The following GALNT13 variants were observed in gnomAD, a reference collection of about 807,000 sequenced individuals.
GALNT13 encodes the protein polypeptide N-acetylgalactosaminyltransferase 13, also known as UDP-GalNAc:polypeptide N-acetylgalactosaminyltransferase 13.
In GALNT13, 28 loss-of-function variants were observed where a neutral mutation model predicts 64.2. The observed-to-expected ratio is 0.44, with a 90% CI of 0.32 to 0.60. GALNT13 has a LOEUF of 0.60. Ranked by LOEUF, GALNT13 falls within the 20% of genes least tolerant of loss-of-function variation. The pLI, the probability that GALNT13 is intolerant of heterozygous loss-of-function variation, is 0.05. For missense variants in GALNT13, 577 were observed against 669.8 expected (o/e 0.86, Z 1.53); for synonymous variants, 214 against 224.6 (o/e 0.95, Z 0.42).
the GALNT13 span, among the ~76,000 whole-genome samples, chr2:153,654,039 C>T: frequency 1.3e-5 from 2 of 152,030 alleles, no homozygotes; most frequent in Admixed American, 6.6e-5. Context: ...ATATTATGCA[C>T]CCTCCTGATA....
the GALNT13 span, among the ~76,000 whole-genome samples, chr2:153,517,411 C>T: frequency 1.3e-5 from 2 of 152,116 alleles, no homozygotes; most frequent in African/African-American, 2.4e-5. Flanking sequence ...TGATTGACTT[C>T]AGCGCTGGGA....
the GALNT13 span, among the ~76,000 whole-genome samples, chr2:153,270,164 G>A: frequency 6.6e-6 from 1 of 152,210 alleles, no homozygotes; most frequent in African/African-American, 2.4e-5. Context: ...CAGGTAAACT[G>A]TAGTAATCTG....
the GALNT13 span, among the ~76,000 whole-genome samples, chr2:153,263,413 A>T: frequency 0.35 from 52,810 of 152,048 alleles, 9,389 homozygotes; most frequent in Middle Eastern, 0.51. Context: ...TTAAACTACC[A>T]TTGACATTCT....
At chr2:153,093,753 T>A in the GALNT13 span, among the ~76,000 whole-genome samples, 2 of 152,196 alleles carry the variant, frequency 1.3e-5, no homozygotes, top group Admixed American at 6.5e-5. Flanking sequence ...GTAGGATTGA[T>A]GTTAGTTCTT....
chr2:153,287,063 A>G, the GALNT13 span, among the ~76,000 whole-genome samples: 22 of 152,380 alleles, frequency 1.4e-4, no homozygotes, highest in East Asian at 4.2e-3. Flanking sequence ...AAATGAGCCA[A>G]TGGTAGTTCG....
chr2:153,345,712 T>TCCGTC, the GALNT13 span, among the ~76,000 whole-genome samples: 5 of 127,040 alleles, frequency 3.9e-5, no homozygotes, highest in South Asian at 2.5e-4. Context: ...TCTCTTTCTC[T>TCCGTC]CTTTCTGTCC....
chr2:153,291,175 T>C, the GALNT13 span, among the ~76,000 whole-genome samples: 1 of 152,188 alleles, frequency 6.6e-6, no homozygotes, highest in Admixed American at 6.5e-5. Flanking sequence ...GATATTTTGA[T>C]AGAAATAGTA....
chr2:154,164,953 T>C (rs1204710855), intron 4 of GALNT13, among the ~76,000 whole-genome samples: 1 of 152,110 alleles, frequency 6.6e-6, no homozygotes, highest in Non-Finnish European at 1.5e-5. Flanking sequence ...GCAAAGTATC[T>C]GAAAAACAGT....
At chr2:154,223,448 C>CTTTT (rs61230257) in intron 4 of GALNT13, among the ~76,000 whole-genome samples, 10 of 124,312 alleles carry the variant, frequency 8.0e-5, no homozygotes, top group East Asian at 2.3e-4. Flanking sequence ...TTTTCTTTTT[C>CTTTT]TTTTTTTTTT....
chr2:154,353,610 T>C (rs1040038888), intron 9 of GALNT13, among the ~76,000 whole-genome samples: 3 of 152,320 alleles, frequency 2.0e-5, no homozygotes, highest in African/African-American at 7.2e-5. Flanking sequence ...CCTAGATTTT[T>C]TCTGCAAGTT....
rs537319707 is a variant in GALNT13 at position 154,113,564 on chromosome 2, C to T, written c.143-26773C>T. Among the ~76,000 whole-genome samples the T allele has an allele frequency of 3.3e-5, 5 of 152,298 alleles. No individual in the cohort carries two copies. In the South Asian group the frequency reaches 1.0e-3, roughly 32 times the overall value. On this transcript the variant is annotated intron_variant, in intron 3 of 12. Transcript: ENST00000392825. Reference sequence around the variant, plus strand: ...TCTCAACAGGCCCCACACCACTGGACCCCTAGAAATTACTGAGGTAGAAGG... The same window carrying T: ...TCTCAACAGGCCCCACACCACTGGATCCCTAGAAATTACTGAGGTAGAAGG...
chr2:153,875,423 C>A (rs1553449336), intron 1 of GALNT13, among the ~76,000 whole-genome samples: 1 of 152,016 alleles, frequency 6.6e-6, no homozygotes, highest in East Asian at 1.9e-4. Flanking sequence ...GTTTGAGAGA[C>A]CTTCTATTTG....
At chr2:153,506,909 T>C in the GALNT13 span, among the ~76,000 whole-genome samples, 1 of 152,238 alleles carries the variant, frequency 6.6e-6, no homozygotes, top group Non-Finnish European at 1.5e-5. Context: ...AGGGAAGTTT[T>C]CCTCTATTAT....
At chr2:153,840,006 G>C in the GALNT13 span, among the ~76,000 whole-genome samples, 1 of 152,016 alleles carries the variant, frequency 6.6e-6, no homozygotes, top group South Asian at 2.1e-4. Flanking sequence ...GATAGGAGAT[G>C]GGGGAAGTTC....
the GALNT13 span, among the ~76,000 whole-genome samples, chr2:153,654,224 G>T: frequency 6.6e-6 from 1 of 151,792 alleles, no homozygotes; most frequent in Non-Finnish European, 1.5e-5. Context: ...ACAAATAATT[G>T]GTGTGAAAAA....
chr2:153,160,153 G>C, the GALNT13 span, among the ~76,000 whole-genome samples: 10 of 152,316 alleles, frequency 6.6e-5, no homozygotes, highest in Middle Eastern at 3.4e-3. Flanking sequence ...CAGCTGATGA[G>C]GCTGGATATA....
rs1404970198 is a variant in GALNT13, at chr2:154,232,900, G to A, written c.312-9130G>A. Among the ~76,000 whole-genome samples, 4 of 151,590 alleles carry A rather than the reference G, an allele frequency of 2.6e-5. No homozygotes were observed. In the East Asian group the frequency reaches 5.8e-4, roughly 22 times the overall value. On this transcript the variant is annotated intron_variant, in intron 4 of 12. Transcript: ENST00000392825. Reference sequence around the variant, plus strand: ...AAAAAAAAATTACAAAAATAAGTCGGGAGTGGTGGCATGTGCCTGTAGTCC... The same window carrying A: ...AAAAAAAAATTACAAAAATAAGTCGAGAGTGGTGGCATGTGCCTGTAGTCC...
the GALNT13 span, among the ~76,000 whole-genome samples, chr2:153,502,065 G>C: frequency 6.6e-6 from 1 of 152,122 alleles, no homozygotes; most frequent in Non-Finnish European, 1.5e-5. Context: ...TATTTTTTGT[G>C]AGGCATTTTA....
chr2:153,326,251 G>T, the GALNT13 span, among the ~76,000 whole-genome samples: 1 of 150,022 alleles, frequency 6.7e-6, no homozygotes, highest in Non-Finnish European at 1.5e-5. Flanking sequence ...TTGTCTTTTC[G>T]GATCTTTGTT....
Sources: allele counts gnomAD v4.1 joint callset (sites outside exome capture counted in the v4.1 genomes callset), GRCh38; gene constraint gnomAD v4.1.1; transcripts MANE v1.5; gene names NCBI Gene and HGNC (gene_info 2026-07-23, HGNC 2026-07-21).